Variants in PLAA observed in about 807,000 individuals in gnomAD.
The protein encoded by PLAA is phospholipase A-2-activating protein.
PLAA carries 48 observed loss-of-function variants against 84.1 expected under a neutral mutation model. That is an observed-to-expected ratio of 0.57 (90% confidence interval 0.45 to 0.73). The LOEUF is 0.73. PLAA is among the 30% of genes least tolerant of loss of function. The pLI, the probability that PLAA is intolerant of heterozygous loss-of-function variation, is 0.00. For missense variants in PLAA, 903 were observed against 954.7 expected (o/e 0.95, Z 0.71); for synonymous variants, 392 against 336.6 (o/e 1.16, Z -1.80).
Position 26,913,944 on chromosome 9 carries a change from G to A in PLAA, c.1490C>T (p.Ala497Val), listed in dbSNP as rs1194286572. The stretch of plus-strand genomic sequence containing the variant: ...TGCAGAACCTGGTACATAACGACCA[G>A]CACCTACAATACAATAATACTCCTA... ...TLPTADPFTG[A>V]GRYVPGSASM... Residue 497 changes from alanine to valine, a missense_variant, in exon 11 of 14, where the codon GCT becomes GTT. Ala to Val is a moderately conservative substitution (Grantham distance 64). Transcript: ENST00000397292. 6.2e-7 allele frequency: 1 copy of A among 1,608,620 alleles called. No homozygotes were observed. The highest frequency in any genetic ancestry group is 8.5e-7 in the Non-Finnish European group (1 of 1,175,236).
chr9:26,942,847 C>T (rs542864096), intron 1 of PLAA, among the ~76,000 whole-genome samples: 1 of 146,794 alleles, frequency 6.8e-6, no homozygotes, highest in Non-Finnish European at 1.5e-5. Context: ...CCACTGCACT[C>T]CGGCCTGGGC....
intron 10 of PLAA, chr9:26,916,461 A>G: frequency 1.0e-6 from 1 of 986,878 alleles, no homozygotes; most frequent in Non-Finnish European, 1.2e-6. Context: ...CATTTTGAAG[A>G]GATACACCAA....
intron 10 of PLAA, chr9:26,915,799 TC>T (rs1272738340): frequency 2.0e-6 from 2 of 985,442 alleles, no homozygotes; most frequent in Non-Finnish European, 2.4e-6. Flanking sequence ...CCAGGAGTTT[TC>T]TTGATTTTGC....
chr9:26,926,660 AAATT>A, intron 4 of PLAA, 100 bp from the exon 5 acceptor site: 1 of 788,274 alleles, frequency 1.3e-6, no homozygotes, highest in Non-Finnish European at 1.9e-6. Context: ...TGAGTAGTAA[AAATT>A]AATTTTCAAG....
chr9:26,921,493 T>C (rs2131383458), intron 7 of PLAA, among the ~76,000 whole-genome samples: 1 of 152,378 alleles, frequency 6.6e-6, no homozygotes, highest in East Asian at 1.9e-4. Context: ...CATCTTAATC[T>C]GTTTCAATTT....
At chr9:26,930,668 C>T (rs912215835) in intron 2 of PLAA, among the ~76,000 whole-genome samples, 4 of 151,434 alleles carry the variant, frequency 2.6e-5, no homozygotes, top group Admixed American at 6.6e-5. Flanking sequence ...CTGCAACCTC[C>T]GCTTCCGAGG....
rs189051121 is a variant in PLAA at position 26,939,810 on chromosome 9, G to A, written c.150-4604C>T. ...AAAAAGAAAACAAGAGACAAAGAAG[G>A]ATATTATATATTAATAAAAAGTTCG... On this transcript the variant is annotated intron_variant, in intron 1 of 13. Transcript: ENST00000397292. 2.8e-3 allele frequency among the ~76,000 whole-genome samples: 419 copies of A among 151,810 alleles called. 1 individual carries two copies. Among genetic ancestry groups the A allele is most frequent in the Non-Finnish European group, 5.1e-3 (347 of 67,938 alleles).
At chr9:26,941,995 T>A (rs1825558693) in intron 1 of PLAA, among the ~76,000 whole-genome samples, 1 of 152,180 alleles carries the variant, frequency 6.6e-6, no homozygotes, top group Admixed American at 6.5e-5. Context: ...AAAATCAGAA[T>A]GGCTTCAGAC....
Position 26,934,574 on chromosome 9 carries a change from G to C in PLAA, c.343+439C>G, listed in dbSNP as rs1825298844. ...GGCTCATTGTAACCTCTGCCTGCCAGGTTCTAGCCATTCTCGTGCTTCAGC... is the reference window on the plus strand; with the variant it reads ...GGCTCATTGTAACCTCTGCCTGCCACGTTCTAGCCATTCTCGTGCTTCAGC... On this transcript the variant is annotated intron_variant, in intron 2 of 13. Transcript: ENST00000397292. Among the ~76,000 whole-genome samples the C allele has an allele frequency of 2.7e-5, 4 of 150,092 alleles. No homozygotes were observed. The South Asian group carries it at 8.4e-4, about 32-fold the overall frequency.
In PLAA at chr9:26,913,855, GAAAAAGAAAT is replaced by G. The variant is rs757999556; in HGVS notation, c.1555+14_1555+23del. 7 of 1,507,194 alleles carry G rather than the reference GAAAAAGAAAT, an allele frequency of 4.6e-6. No homozygotes were observed. Among genetic ancestry groups the G allele is most frequent in the Non-Finnish European group, 6.3e-6 (7 of 1,110,110 alleles). 93.4% of individuals were successfully genotyped at this position (1,507,194 alleles called of 1,614,324 possible). ...ACGAATTTTTAAAATCTAAAAAAAA[GAAAAAGAAAT>G]AAAAAGTATGTACCTGTAAATGGAT... On this transcript the variant is annotated intron_variant, in intron 11 of 13. Transcript: ENST00000397292.
intron 1 of PLAA, among the ~76,000 whole-genome samples, 195 bp downstream of exon 1, chr9:26,946,702 A>T (rs966103182): frequency 1.3e-5 from 2 of 152,156 alleles, no homozygotes; most frequent in African/African-American, 4.8e-5. Flanking sequence ...TGGTCCCCCA[A>T]CCCTGTGCTC....
intron 2 of PLAA, among the ~76,000 whole-genome samples, chr9:26,933,721 A>G (rs140917961): frequency 0.075 from 11,132 of 148,398 alleles, 591 homozygotes; most frequent in African/African-American, 0.15. Context: ...CCCGGGAGGC[A>G]GAGCTTGCAG....
In PLAA at chr9:26,919,414, T is replaced by G. The variant is rs147966876; in HGVS notation, c.1313A>C (p.Asp438Ala). Residue 438 changes from aspartate (D) to alanine (A), a missense_variant, in exon 9 of 14, where the codon GAT becomes GCT. Physicochemically the swap from Asp to Ala is moderately radical, Grantham distance 126. Transcript: ENST00000397292. ...TTGATCCAGAAACATAGGATTCAAA[T>G]CATTCTTCTGTAAGAAGTTGTATGC... ...LTAYNFLQKNDLNPMFLDQVA... is the reference protein window; with the variant it reads ...LTAYNFLQKNALNPMFLDQVA... 6.2e-7 allele frequency: 1 copy of G among 1,612,416 alleles called. No individual in the cohort carries two copies. Among genetic ancestry groups the G allele is most frequent in the Admixed American group, 1.7e-5 (1 of 60,014 alleles).
intron 10 of PLAA, among the ~76,000 whole-genome samples, chr9:26,915,030 T>C (rs546043913): frequency 6.6e-6 from 1 of 152,226 alleles, no homozygotes; most frequent in Admixed American, 6.5e-5. Context: ...CTGACCAACA[T>C]GGATAAACCC....
At chr9:26,939,761 T>C (rs1444690139) in intron 1 of PLAA, among the ~76,000 whole-genome samples, 1 of 151,954 alleles carries the variant, frequency 6.6e-6, no homozygotes, top group Non-Finnish European at 1.5e-5. Flanking sequence ...ATATTAACAT[T>C]AGACAAAATT....
At chr9:26,929,073 C>T (rs1487234814) in intron 2 of PLAA, among the ~76,000 whole-genome samples, 1 of 152,028 alleles carries the variant, frequency 6.6e-6, no homozygotes, top group Non-Finnish European at 1.5e-5. Flanking sequence ...GCGGTATGCG[C>T]CTGTGTTCCC....
intron 12 of PLAA, among the ~76,000 whole-genome samples, chr9:26,908,529 T>C (rs533956082): frequency 6.6e-6 from 1 of 151,106 alleles, no homozygotes; most frequent in Non-Finnish European, 1.5e-5. Context: ...AGTGGCATGA[T>C]CTCGGCTCAC....
chr9:26,946,038 T>A (rs117199314), intron 1 of PLAA, among the ~76,000 whole-genome samples: 1 of 152,348 alleles, frequency 6.6e-6, no homozygotes, highest in Non-Finnish European at 1.5e-5. Context: ...TCCTCTCCAG[T>A]ATCCCAAACA....
At chr9:26,930,014 G>A (rs1825120945) in intron 2 of PLAA, among the ~76,000 whole-genome samples, 1 of 151,612 alleles carries the variant, frequency 6.6e-6, no homozygotes, top group South Asian at 2.1e-4. Flanking sequence ...TGTTTTTGGT[G>A]TTTTTTTAAA....
Sources: gnomAD v4.1 joint callset for allele counts (sites outside exome capture counted in the v4.1 genomes callset) on GRCh38, gnomAD v4.1.1 for gene constraint, MANE v1.5 for transcripts, NCBI Gene and HGNC (gene_info 2026-07-23, HGNC 2026-07-21) for gene names.